The following ACTR8 variants were observed in gnomAD, a reference collection of about 807,000 sequenced individuals.
ACTR8 encodes actin-related protein 8.
ACTR8 carries 70 observed loss-of-function variants against 84.3 expected under a neutral mutation model. The ratio of observed to expected loss-of-function variants is 0.83; its 90% CI spans 0.68 to 1.01. The LOEUF is 1.01. Among genes scored for constraint, ACTR8 ranks in the 50% least tolerant of loss-of-function variants. ACTR8 has a pLI of 0.00. For synonymous variants in ACTR8, 268 were observed against 275.2 expected (o/e 0.97, Z 0.26); for missense variants, 672 against 775.4 (o/e 0.87, Z 1.58).
Position 53,882,048 on chromosome 3 carries a change from C to G in ACTR8, c.54G>C (p.Glu18Asp), listed in dbSNP as rs1005647398. ...TCACGCCGCGCTGCTCCTTCTCCTTCTCGCCGCCCTTCTCCTTTCCGTTCT... is the reference window on the plus strand; with the variant it reads ...TCACGCCGCGCTGCTCCTTCTCCTTGTCGCCGCCCTTCTCCTTTCCGTTCT... ...DTENGKEKGG[E>D]KEKEQRGVKR... The change falls in exon 1 of 13, where the codon GAG becomes GAC. Residue 18 changes from glutamate (E) to aspartate (D), a missense_variant. By Grantham distance (45) the Glu-to-Asp change is conservative (BLOSUM62 2). Transcript: ENST00000335754. 1 of 1,551,716 alleles carries G rather than the reference C, an allele frequency of 6.4e-7. No homozygotes were observed. The highest frequency in any genetic ancestry group is 8.7e-7 in the Non-Finnish European group (1 of 1,146,882).
At position 53,878,379 on chromosome 3, in the gene ACTR8, C is replaced by T. The variant is rs1452684482; in HGVS notation, c.383G>A (p.Arg128His). 22 of 1,611,468 alleles carry T rather than the reference C, an allele frequency of 1.4e-5. No homozygotes were observed. Among genetic ancestry groups the T allele is most frequent in the Non-Finnish European group, 1.9e-5 (22 of 1,178,626 alleles). The change falls in exon 3 of 13, where the codon CGC becomes CAC. Residue 128 changes from arginine (R) to histidine (H), a missense_variant. Coordinates refer to ENST00000335754, the MANE Select transcript of ACTR8 (RefSeq NM_022899.5). ...AACCTGTTCAGGGGACACAGGAATG[C>T]GTCTTGTACCATTGGACATCTTTTT... ...WSKKMSNGTRRIPVSPEQARS... is the reference protein window; with the variant it reads ...WSKKMSNGTRHIPVSPEQARS...
chr3:53,867,334 T>A lies in ACTR8; in HGVS notation c.*1385A>T, dbSNP rs928493488. 3 of 152,222 alleles carry A rather than the reference T, an allele frequency of 2.0e-5. No individual in the cohort carries two copies. The highest frequency in any genetic ancestry group is 1.5e-5 in the Non-Finnish European group (1 of 68,036). 9.4% of individuals were successfully genotyped at this position (152,222 alleles called of 1,614,324 possible). A position where few individuals can be genotyped will look rare whatever the true frequency, so the allele number is the denominator to read the frequency against. ...ATGACATCAATACTCTATAAATTAA[T>A]GCTGTTAACAAATTTAAAAAATAAA... On this transcript the variant is annotated 3_prime_UTR_variant, in exon 13 of 13. Coordinates refer to ENST00000335754, the MANE Select transcript of ACTR8 (RefSeq NM_022899.5).
At chr3:53,862,639 G>A (rs895854262), downstream of ACTR8, among the ~76,000 whole-genome samples, 1 of 152,214 alleles carries the variant, frequency 6.6e-6, no homozygotes, top group African/African-American at 2.4e-5. Context: ...TGCTGGAGAC[G>A]AGTGCTTCCC....
chr3:53,863,137 A>G (rs1322821144), downstream of ACTR8, among the ~76,000 whole-genome samples: 1 of 152,226 alleles, frequency 6.6e-6, no homozygotes, highest in East Asian at 1.9e-4. Context: ...AGCACATAAT[A>G]CACATAACAT....
intron 10 of ACTR8, 60 bp downstream of exon 10, chr3:53,872,324 T>C (rs988260393): frequency 5.4e-6 from 8 of 1,492,112 alleles, no homozygotes; most frequent in African/African-American, 1.4e-5. Context: ...CTATTAACTC[T>C]GGACAAATTT....
intron 12 of ACTR8, 28 bp from the exon 13 acceptor site, chr3:53,868,890 CT>C (rs764427582): frequency 6.2e-7 from 1 of 1,609,840 alleles, no homozygotes; most frequent in Non-Finnish European, 8.5e-7. Context: ...GCATTTCAGC[CT>C]AATCACATAA....
chr3:53,860,812 C>G, the ACTR8 span: 1 of 151,988 alleles, frequency 6.6e-6, no homozygotes, highest in African/African-American at 2.4e-5. Context: ...AAAATGTATA[C>G]AGATACTAGT....
intron 2 of ACTR8, among the ~76,000 whole-genome samples, chr3:53,879,438 T>C (rs1700026693): frequency 6.6e-6 from 1 of 152,348 alleles, no homozygotes; most frequent in Admixed American, 6.5e-5. Context: ...ATTTTCCTGA[T>C]AATTACCATC....
intron 12 of ACTR8, among the ~76,000 whole-genome samples, 191 bp from the exon 13 acceptor site, chr3:53,869,053 G>A (rs574014057): frequency 1.1e-4 from 16 of 152,184 alleles, no homozygotes; most frequent in East Asian, 1.9e-4. Context: ...AGGCCGAGGC[G>A]GGCAGATCAC....
chr3:53,880,740 A>G (rs573660235), intron 1 of ACTR8, among the ~76,000 whole-genome samples: 1 of 152,220 alleles, frequency 6.6e-6, no homozygotes, highest in African/African-American at 2.4e-5. Context: ...CCAACACTTC[A>G]CATCCTCTGT....
chr3:53,876,281 G>A (rs950421550), intron 6 of ACTR8, among the ~76,000 whole-genome samples: 18 of 152,136 alleles, frequency 1.2e-4, no homozygotes, highest in Non-Finnish European at 2.2e-4. Flanking sequence ...CACTTTGGGA[G>A]GCCAAGGTGG....
At position 53,868,642 on chromosome 3, in the gene ACTR8, C is replaced by T; in HGVS notation, c.*77G>A. The T allele has an allele frequency of 6.4e-7, 1 of 1,556,106 alleles. No homozygotes were observed. The highest frequency in any genetic ancestry group is 8.7e-7 in the Non-Finnish European group (1 of 1,150,940). Reference sequence around the variant, plus strand: ...CTTAAGCATCCAGATCAATAAATTACAATACACATATTCTGTAAGAGTCTT... The same window carrying T: ...CTTAAGCATCCAGATCAATAAATTATAATACACATATTCTGTAAGAGTCTT... On this transcript the variant is annotated 3_prime_UTR_variant, in exon 13 of 13. Transcript: ENST00000335754.
downstream of ACTR8, among the ~76,000 whole-genome samples, chr3:53,864,332 C>T (rs868812928): frequency 2.6e-5 from 4 of 152,272 alleles, no homozygotes; most frequent in Middle Eastern, 3.4e-3. Flanking sequence ...GTCAGGAGAT[C>T]GAGACCATCC....
At chr3:53,879,414 A>G (rs533925801) in intron 2 of ACTR8, among the ~76,000 whole-genome samples, 66 of 152,356 alleles carry the variant, frequency 4.3e-4, no homozygotes, top group African/African-American at 1.5e-3. Context: ...TAGATTTATC[A>G]TTGATCACAA....
chr3:53,866,683 C>G (rs945825286), downstream of ACTR8, among the ~76,000 whole-genome samples: 4 of 151,996 alleles, frequency 2.6e-5, no homozygotes, highest in African/African-American at 7.2e-5. Context: ...GGGTTTCACC[C>G]TGTTAGCCAG....
downstream of ACTR8, among the ~76,000 whole-genome samples, chr3:53,866,538 G>A (rs1221275291): frequency 6.6e-6 from 1 of 151,664 alleles, no homozygotes; most frequent in Non-Finnish European, 1.5e-5. Context: ...CTGGAGTGCA[G>A]TGGCGTGACC....
chr3:53,880,531 T>C (rs912736735), intron 1 of ACTR8, among the ~76,000 whole-genome samples: 1 of 152,178 alleles, frequency 6.6e-6, no homozygotes, highest in African/African-American at 2.4e-5. Flanking sequence ...TTAAATGAGT[T>C]ATACATGTAA....
In ACTR8 at chr3:53,880,051, C is replaced by T; in HGVS notation, c.182G>A (p.Gly61Asp). ...IHPGSTTLRI[G>D]RATDTLPASI... ...GGCAGGAAGAGTGTCTGTGGCTCGA[C>T]CAATCCTTAAAGTTGTTGAACCTGG... Residue 61 changes from glycine to aspartate, a missense_variant, in exon 2 of 13, where the codon GGT (glycine) becomes GAT (aspartate). Gly to Asp is a moderately conservative substitution (Grantham distance 94). Coordinates refer to ENST00000335754, the MANE Select transcript of ACTR8 (RefSeq NM_022899.5). 1 of 1,614,094 alleles carries T rather than the reference C, an allele frequency of 6.2e-7. No individual in the cohort carries two copies. Among genetic ancestry groups the T allele is most frequent in the Non-Finnish European group, 8.5e-7 (1 of 1,180,010 alleles).
At position 53,867,122 on chromosome 3, in the gene ACTR8, T is replaced by C. The variant is rs1699802363; in HGVS notation, c.*1597A>G. 1 of 152,220 alleles carries C rather than the reference T, an allele frequency of 6.6e-6. No individual in the cohort carries two copies. The highest frequency in any genetic ancestry group is 1.5e-5 in the Non-Finnish European group (1 of 68,038). The allele number at this position is 152,220 out of a possible 1,614,324, so 9.4% of individuals were successfully genotyped here. On this transcript the variant is annotated 3_prime_UTR_variant, in exon 13 of 13. Coordinates refer to ENST00000335754, the MANE Select transcript of ACTR8 (RefSeq NM_022899.5). Reference sequence around the variant, plus strand: ...GATCAGTTTTCACAGTGCTTGTAAGTGCTGGTAATAGAAGATGGACATGGT... The same window carrying C: ...GATCAGTTTTCACAGTGCTTGTAAGCGCTGGTAATAGAAGATGGACATGGT...
Sources: allele counts gnomAD v4.1 joint callset (sites outside exome capture counted in the v4.1 genomes callset), GRCh38; gene constraint gnomAD v4.1.1; transcripts MANE v1.5; gene names NCBI Gene and HGNC (gene_info 2026-07-23, HGNC 2026-07-21).